The following PRTG variants were observed in gnomAD, a reference collection of about 807,000 sequenced individuals.
PRTG encodes the protein immunoglobulin superfamily, DCC subclass, member 5.
PRTG carries 67 observed loss-of-function variants against 122.5 expected under a neutral mutation model. The ratio of observed to expected loss-of-function variants is 0.55; its 90% CI spans 0.45 to 0.67. The LOEUF (loss-of-function observed/expected upper bound fraction) is 0.67, where lower values mean the gene tolerates loss of function less well. Among genes scored for constraint, PRTG ranks in the 30% least tolerant of loss-of-function variants. The pLI, the probability that PRTG is intolerant of heterozygous loss-of-function variation, is 0.00. For missense variants in PRTG, 1,435 were observed against 1,415.4 expected (o/e 1.01, Z -0.22); for synonymous variants, 554 against 501.1 (o/e 1.11, Z -1.41).
At chr15:55,673,245 G>C (rs922429813) in intron 10 of PRTG, 126 bp downstream of exon 10, 4 of 724,302 alleles carry the variant, frequency 5.5e-6, no homozygotes, top group South Asian at 4.4e-5. Flanking sequence ...TTTCAATTAA[G>C]TCCATCATCT....
At chr15:55,706,582 CAAAAAAAA>C (rs59227432) in intron 2 of PRTG, among the ~76,000 whole-genome samples, 61 of 99,228 alleles carry the variant, frequency 6.1e-4, no homozygotes, top group East Asian at 2.6e-3. Context: ...TTGTCTCTAC[CAAAAAAAA>C]AAAAAAAAAA....
At position 55,652,194 on chromosome 15, in the gene PRTG, G is replaced by A. The variant is rs115421694; in HGVS notation, c.2042-10986C>T. Among the ~76,000 whole-genome samples the A allele has an allele frequency of 6.3e-3, 966 of 152,150 alleles. 11 individuals carry two copies. The highest frequency in any genetic ancestry group is 0.022 in the African/African-American group (930 of 41,538). On this transcript the variant is annotated intron_variant, in intron 11 of 19. Transcript: ENST00000389286. The stretch of plus-strand genomic sequence containing the variant: ...ACACAGCTTCAAAGCATTAAAAATC[G>A]TCGAATTAGAATATATATGCAAAAG...
At chr15:55,696,692 T>A (rs905936261) in intron 2 of PRTG, among the ~76,000 whole-genome samples, 2 of 152,196 alleles carry the variant, frequency 1.3e-5, no homozygotes, top group African/African-American at 4.8e-5. Flanking sequence ...ACAAATGTGA[T>A]CACTACATCT....
chr15:55,679,312 C>G lies in PRTG; in HGVS notation c.1107G>C (p.Ser369=). The change falls in exon 7 of 20, where the codon TCG becomes TCC. Residue 369 remains serine (S), a synonymous_variant. Transcript: ENST00000389286. ...SWLKNGRKIH[S]NGRIKMYNSK... ...TGTTGTACATTTTAATTCTACCATT[C>G]GAATGTATCTTCCTTCCATTTTTCA... 1 of 1,612,224 alleles carries G rather than the reference C, an allele frequency of 6.2e-7. No homozygotes were observed. Among genetic ancestry groups the G allele is most frequent in the South Asian group, 1.1e-5 (1 of 90,970 alleles).
chr15:55,738,447 T>C (rs1489171111), intron 2 of PRTG: 7 of 700,796 alleles, frequency 1.0e-5, no homozygotes, highest in Non-Finnish European at 1.6e-5. Flanking sequence ...TCATGACAAA[T>C]GCTTCATCTT....
intron 15 of PRTG, among the ~76,000 whole-genome samples, chr15:55,630,790 T>G (rs1292487096): frequency 6.6e-6 from 1 of 152,198 alleles, no homozygotes; most frequent in Non-Finnish European, 1.5e-5. Flanking sequence ...GAAAGTTGTT[T>G]CAGCACTATG....
At chr15:55,637,396 CAA>C in intron 14 of PRTG, 56 bp from the exon 15 acceptor site, 1 of 1,386,724 alleles carries the variant, frequency 7.2e-7, no homozygotes, top group African/African-American at 1.4e-5. Context: ...CATAAATACT[CAA>C]ATACCTGGCT....
chr15:55,680,692 G>A lies in PRTG; in HGVS notation c.677-64C>T, dbSNP rs879198343. The A allele has an allele frequency of 1.4e-5, 15 of 1,100,400 alleles. No individual in the cohort carries two copies. The South Asian group carries it at 3.4e-4, about 25-fold the overall frequency. 68.2% of individuals were successfully genotyped at this position (1,100,400 alleles called of 1,614,324 possible). A position where few individuals can be genotyped will look rare whatever the true frequency, so the allele number is the denominator to read the frequency against. ...AAATAAGATATAATAAGTGAAATTAGTGAGACATTTATTCTTATCACTCAC... is the reference window on the plus strand; with the variant it reads ...AAATAAGATATAATAAGTGAAATTAATGAGACATTTATTCTTATCACTCAC... On this transcript the variant is annotated intron_variant, in intron 4 of 19. Coordinates refer to ENST00000389286, the MANE Select transcript of PRTG (RefSeq NM_173814.6).
At chr15:55,722,894 A>G (rs978939893) in intron 2 of PRTG, among the ~76,000 whole-genome samples, 1 of 152,260 alleles carries the variant, frequency 6.6e-6, no homozygotes, top group Non-Finnish European at 1.5e-5. Context: ...ATAGCAACAT[A>G]GTTAACTGAG....
At chr15:55,678,898 G>A (rs953741951) in intron 7 of PRTG, among the ~76,000 whole-genome samples, 2 of 152,076 alleles carry the variant, frequency 1.3e-5, no homozygotes, top group African/African-American at 4.8e-5. Flanking sequence ...ATTAACTATA[G>A]AGAAATTATT....
Position 55,637,282 on chromosome 15 carries a change from C to G in PRTG, c.2511G>C (p.Leu837=), listed in dbSNP as rs772521867. 3.7e-6 allele frequency: 6 copies of G among 1,613,838 alleles called. No individual in the cohort carries two copies. The highest frequency in any genetic ancestry group is 5.1e-6 in the Non-Finnish European group (6 of 1,179,976). The change falls in exon 15 of 20, where the codon CTG becomes CTC. Residue 837 remains leucine (L), a synonymous_variant. Transcript: ENST00000389286. ...KVTLIEDDTA[L]VSWKPPDGPE... Reference sequence around the variant, plus strand: ...GGCCATCAGGGGGTTTCCAAGAAACCAGGGCAGTGTCATCCTCTATTAATG... The same window carrying G: ...GGCCATCAGGGGGTTTCCAAGAAACGAGGGCAGTGTCATCCTCTATTAATG...
chr15:55,734,213 C>A (rs2141888637), intron 2 of PRTG, among the ~76,000 whole-genome samples: 1 of 152,240 alleles, frequency 6.6e-6, no homozygotes, highest in African/African-American at 2.4e-5. Flanking sequence ...GCAGAAATAT[C>A]CTTTTTCTTT....
rs1363825138 is a variant in PRTG at position 55,740,524 on chromosome 15, G to A, written c.255C>T (p.Ile85=). ...NGAKMSENKR[I]EVLSNGSLYI... is the part of the protein sequence containing the mutation. ...ATAAAGAGCCGTTAGAAAGAACCTC[G>A]ATCCGTTTATTTTCAGACATTTTTG... Residue 85 remains isoleucine (I), a synonymous_variant, in exon 2 of 20, where the codon ATC becomes ATT. Transcript: ENST00000389286. The A allele has an allele frequency of 5.0e-6, 8 of 1,613,906 alleles. No homozygotes were observed. Among genetic ancestry groups the A allele is most frequent in the South Asian group, 4.4e-5 (4 of 91,066 alleles).
At chr15:55,679,619 G>T (rs1392081429) in intron 6 of PRTG, 174 bp from the exon 7 acceptor site, 2 of 532,334 alleles carry the variant, frequency 3.8e-6, no homozygotes, top group Non-Finnish European at 6.6e-6. Context: ...GCATTGCTCA[G>T]TGTTCACTTC....
intron 11 of PRTG, among the ~76,000 whole-genome samples, chr15:55,647,026 G>A (rs570713757): frequency 6.6e-6 from 1 of 152,216 alleles, no homozygotes; most frequent in South Asian, 2.1e-4. Flanking sequence ...GGACATGGTG[G>A]CTCATGCCTG....
chr15:55,657,962 T>C (rs1395990822), intron 11 of PRTG, among the ~76,000 whole-genome samples: 3 of 152,202 alleles, frequency 2.0e-5, no homozygotes, highest in Non-Finnish European at 2.9e-5. Context: ...AGATAAACAC[T>C]GTGAACATTA....
intron 16 of PRTG, among the ~76,000 whole-genome samples, chr15:55,628,595 T>A (rs1331076836): frequency 6.6e-6 from 1 of 152,084 alleles, no homozygotes; most frequent in African/African-American, 2.4e-5. Context: ...AAGAAGTAAC[T>A]GGAAACAGTG....
rs770279917 is a variant in PRTG at position 55,621,779 on chromosome 15, A to AT, written c.3094-1013dup. 5.3e-5 allele frequency among the ~76,000 whole-genome samples: 8 copies of AT among 152,342 alleles called. No homozygotes were observed. In the South Asian group the frequency reaches 1.7e-3, roughly 32 times the overall value. ...ACATAAAATATATATTCCAAAACAC[A>AT]TTAAGATACATATATATGTGCTATA... On this transcript the variant is annotated intron_variant, in intron 18 of 19. Coordinates refer to ENST00000389286, the MANE Select transcript of PRTG (RefSeq NM_173814.6).
intron 14 of PRTG, 119 bp from the exon 15 acceptor site, chr15:55,637,459 C>T: frequency 2.7e-6 from 2 of 732,990 alleles, no homozygotes; most frequent in South Asian, 3.6e-5. Flanking sequence ...TAAGAAATCA[C>T]AGCTTTCAAA....
Sources: allele counts gnomAD v4.1 joint callset (sites outside exome capture counted in the v4.1 genomes callset), GRCh38; gene constraint gnomAD v4.1.1; transcripts MANE v1.5; gene names NCBI Gene and HGNC (gene_info 2026-07-23, HGNC 2026-07-21).